Variants in IGDCC3 observed in about 807,000 individuals in gnomAD.
IGDCC3 encodes the protein putative neuronal cell adhesion molecule.
In IGDCC3, 47 loss-of-function variants were observed where a neutral mutation model predicts 72.0. That is an observed-to-expected ratio of 0.65 (90% CI 0.52 to 0.83). IGDCC3 has a LOEUF of 0.83. Ranked by LOEUF, IGDCC3 falls within the 40% of genes least tolerant of loss-of-function variation. IGDCC3 has a pLI of 0.00. For synonymous variants in IGDCC3, 477 were observed against 472.8 expected (o/e 1.01, Z -0.11); for missense variants, 1,038 against 1,091.3 (o/e 0.95, Z 0.69).
intron 2 of IGDCC3, among the ~76,000 whole-genome samples, chr15:65,345,410 C>T (rs1379571791): frequency 2.0e-5 from 3 of 152,076 alleles, no homozygotes; most frequent in Middle Eastern, 3.4e-3. Flanking sequence ...ACAAATTAGC[C>T]GGGTATGGTG....
At chr15:65,342,915 C>A (rs1386670603) in intron 2 of IGDCC3, among the ~76,000 whole-genome samples, 3 of 152,014 alleles carry the variant, frequency 2.0e-5, no homozygotes, top group Non-Finnish European at 4.4e-5. Flanking sequence ...TTCACCTCGA[C>A]CTCTTGGGCT....
chr15:65,365,161 C>T (rs1367886923), intron 2 of IGDCC3, among the ~76,000 whole-genome samples: 3 of 152,120 alleles, frequency 2.0e-5, no homozygotes, highest in Non-Finnish European at 4.4e-5. Context: ...AAGCTCTAAT[C>T]CTACCAGGAG....
chr15:65,363,320 G>A (rs2091272503), intron 2 of IGDCC3, among the ~76,000 whole-genome samples: 1 of 152,208 alleles, frequency 6.6e-6, no homozygotes, highest in Non-Finnish European at 1.5e-5. Flanking sequence ...AAAACCAAGG[G>A]CCTTCAGGAT....
At chr15:65,357,384 C>T (rs555298931) in intron 2 of IGDCC3, among the ~76,000 whole-genome samples, 5 of 152,326 alleles carry the variant, frequency 3.3e-5, no homozygotes, top group African/African-American at 1.2e-4. Flanking sequence ...CCTTGGTTAG[C>T]ACCATTTATT....
intron 2 of IGDCC3, chr15:65,356,040 C>T (rs1450146304): frequency 1.1e-5 from 3 of 261,058 alleles, no homozygotes; most frequent in South Asian, 2.9e-5. Context: ...GGCCCCTCCC[C>T]GAGCCTTCTC....
intron 2 of IGDCC3, among the ~76,000 whole-genome samples, chr15:65,337,514 G>A (rs1461259734): frequency 6.6e-6 from 1 of 152,164 alleles, no homozygotes; most frequent in Admixed American, 6.5e-5. Context: ...CTGGGGGTGG[G>A]AGGTGGGGGC....
intron 2 of IGDCC3, among the ~76,000 whole-genome samples, chr15:65,337,217 C>T (rs573144009): frequency 3.3e-5 from 5 of 152,328 alleles, no homozygotes; most frequent in East Asian, 1.9e-4. Context: ...TCCTTTGTGG[C>T]GTGTTCTCCA....
At chr15:65,352,810 T>G (rs1006058865) in intron 2 of IGDCC3, among the ~76,000 whole-genome samples, 3 of 152,240 alleles carry the variant, frequency 2.0e-5, no homozygotes, top group African/African-American at 7.2e-5. Flanking sequence ...TGATTTGTCT[T>G]TAGTAAAAAT....
At chr15:65,346,063 TCA>T (rs1191272781) in intron 2 of IGDCC3, among the ~76,000 whole-genome samples, 1 of 152,118 alleles carries the variant, frequency 6.6e-6, no homozygotes, top group Non-Finnish European at 1.5e-5. Flanking sequence ...CTACTCACAC[TCA>T]GAGTCACCCA....
chr15:65,369,445 C>T (rs2091309681), intron 2 of IGDCC3, among the ~76,000 whole-genome samples: 1 of 152,218 alleles, frequency 6.6e-6, no homozygotes, highest in Admixed American at 6.5e-5. Context: ...GCAGTGCTGA[C>T]TGGCAGGTTA....
At chr15:65,367,620 T>TC (rs1275687395) in intron 2 of IGDCC3, among the ~76,000 whole-genome samples, 2 of 151,834 alleles carry the variant, frequency 1.3e-5, no homozygotes, top group South Asian at 2.1e-4. Context: ...ATGTAAGGCC[T>TC]CCCGCCACCC....
chr15:65,375,370 C>T lies in IGDCC3; in HGVS notation c.136G>A (p.Val46Met). The T allele has an allele frequency of 1.9e-6, 3 of 1,606,066 alleles. No homozygotes were observed. Among genetic ancestry groups the T allele is most frequent in the South Asian group, 2.2e-5 (2 of 90,874 alleles). Residue 46 changes from valine (V) to methionine (M), a missense_variant, in exon 2 of 14, where the codon GTG becomes ATG. By Grantham distance (21) the Val-to-Met change is conservative. Coordinates refer to ENST00000327987, the MANE Select transcript of IGDCC3 (RefSeq NM_004884.4). ...LGHSAELAFAVEPSDDVAVPG... is the reference protein window; with the variant it reads ...LGHSAELAFAMEPSDDVAVPG... Reference sequence around the variant, plus strand: ...ACGGCAACATCATCACTTGGCTCCACAGCAAATGCCAGTTCAGCAGAGTGG... The same window carrying T: ...ACGGCAACATCATCACTTGGCTCCATAGCAAATGCCAGTTCAGCAGAGTGG...
intron 4 of IGDCC3, 138 bp downstream of exon 4, chr15:65,335,153 A>G: frequency 1.0e-6 from 1 of 965,146 alleles, no homozygotes; most frequent in Non-Finnish European, 1.5e-6. Context: ...CCCTCACGCC[A>G]GGCAGCACAG....
chr15:65,331,479 G>A lies in IGDCC3; in HGVS notation c.1329C>T (p.Ser443=). ...TGGTGTTGGCCAGCGGCTCACTCCA[G>A]GACACACGCACCTCAGTGGAAGACA... ...VSVSSTEVRV[S]WSEPLANTKE... The change falls in exon 8 of 14, where the codon TCC becomes TCT. Residue 443 remains serine (S), a synonymous_variant. Transcript: ENST00000327987. 6.2e-7 allele frequency: 1 copy of A among 1,613,750 alleles called. No individual in the cohort carries two copies. The highest frequency in any genetic ancestry group is 1.1e-5 in the South Asian group (1 of 91,028).
chr15:65,349,517 G>C (rs1035235039), intron 2 of IGDCC3, among the ~76,000 whole-genome samples: 4 of 152,188 alleles, frequency 2.6e-5, no homozygotes, highest in Admixed American at 2.0e-4. Flanking sequence ...GGTGTATTTT[G>C]TGCTATGAAT....
chr15:65,367,938 A>T (rs530221497), intron 2 of IGDCC3, among the ~76,000 whole-genome samples: 3 of 152,016 alleles, frequency 2.0e-5, no homozygotes, highest in Admixed American at 1.3e-4. Flanking sequence ...TGGTCTCTAC[A>T]TTCCTTGTTT....
At position 65,375,193 on chromosome 15, in the gene IGDCC3, G is replaced by A. The variant is rs752331606; in HGVS notation, c.313C>T (p.Pro105Ser). Residue 105 changes from proline (P) to serine (S), a missense_variant, in exon 2 of 14, where the codon CCG becomes TCG. Physicochemically the swap from Pro to Ser is moderately conservative, Grantham distance 74. Coordinates refer to ENST00000327987, the MANE Select transcript of IGDCC3 (RefSeq NM_004884.4). ...SLMIRHFRLE[P>S]GGSPSDEGDY... ...CCTTCATCCGAAGGGCTGCCTCCCG[G>A]CTCCAGCCTGAAGTGACGGATCATC... The A allele has an allele frequency of 2.0e-5, 32 of 1,614,190 alleles. No individual in the cohort carries two copies. Among genetic ancestry groups the A allele is most frequent in the South Asian group, 1.4e-4 (13 of 91,084 alleles).
In IGDCC3 at chr15:65,329,080, GC is replaced by G; in HGVS notation, c.2273del (p.Gly758AlafsTer2). ...QLSVLPLQGC[G>X]LMEGKTTEAK... ...CCTCCGTCGTCTTCCCCTCCATCAG[GC>G]CGCACCCCTGAAGTGGCAGCACGGA... On this transcript the variant is annotated frameshift_variant, in exon 14 of 14. Coordinates refer to ENST00000327987, the MANE Select transcript of IGDCC3 (RefSeq NM_004884.4). LOFTEE classifies it low-confidence loss of function (END_TRUNC). This position sits in a 1 kb window ranked among gnomAD's most constrained non-coding sequence, Gnocchi z 4.1. The G allele has an allele frequency of 6.2e-7, 1 of 1,611,576 alleles. No homozygotes were observed. Among genetic ancestry groups the G allele is most frequent in the South Asian group, 1.1e-5 (1 of 90,752 alleles).
Position 65,329,782 on chromosome 15 carries a change from G to A in IGDCC3, c.1941C>T (p.Ile647=), listed in dbSNP as rs1013686495. Residue 647 remains isoleucine (I), a synonymous_variant, in exon 12 of 14, where the codon ATC becomes ATT. Transcript: ENST00000327987. This position sits in a 1 kb window ranked among gnomAD's most constrained non-coding sequence, Gnocchi z 4.1. ...STTGIVIGIH[I]GVTCIIFCVL... is the part of the protein sequence containing the mutation. ...CACAGAAGATGATGCAAGTGACCCC[G>A]ATGTGGATGCCGATGACGATGCCTG... 6.2e-6 allele frequency: 10 copies of A among 1,614,050 alleles called. No individual in the cohort carries two copies. The highest frequency in any genetic ancestry group is 1.6e-4 in the Middle Eastern group (1 of 6,084).
Sources: allele counts gnomAD v4.1 joint callset (sites outside exome capture counted in the v4.1 genomes callset), GRCh38; gene constraint gnomAD v4.1.1; non-coding constraint Gnocchi (gnomAD v3.1); transcripts MANE v1.5; gene names NCBI Gene and HGNC (gene_info 2026-07-23, HGNC 2026-07-21).